NCKAP5: variants seen among roughly 807,000 people sequenced by gnomAD.
NCKAP5 encodes nck-associated protein 5.
NCKAP5 carries 92 observed loss-of-function variants against 167.0 expected under a neutral mutation model. The observed-to-expected ratio is 0.55, with a 90% CI of 0.47 to 0.66. The LOEUF (loss-of-function observed/expected upper bound fraction) is 0.66, where lower values mean the gene tolerates loss of function less well. NCKAP5 is among the 30% of genes least tolerant of loss of function. The pLI, the probability that NCKAP5 is intolerant of heterozygous loss-of-function variation, is 0.00. For missense variants in NCKAP5, 2,378 were observed against 2,315.0 expected (o/e 1.03, Z -0.56); for synonymous variants, 891 against 877.4 (o/e 1.02, Z -0.27).
chr2:133,055,512 T>C (rs184924926), intron 6 of NCKAP5, among the ~76,000 whole-genome samples: 175 of 150,182 alleles, frequency 1.2e-3, no homozygotes, highest in Middle Eastern at 7.1e-3. Context: ...TATGAATAGT[T>C]TATATATATA....
At chr2:133,031,646 GT>G (rs372959156) in intron 6 of NCKAP5, among the ~76,000 whole-genome samples, 87 of 151,304 alleles carry the variant, frequency 5.8e-4, no homozygotes, top group African/African-American at 2.1e-3. Context: ...AGCCAAGGGA[GT>G]GCTGGCATCA....
intron 3 of NCKAP5, among the ~76,000 whole-genome samples, chr2:133,383,509 G>C (rs1255228161): frequency 6.6e-6 from 1 of 152,148 alleles, no homozygotes; most frequent in African/African-American, 2.4e-5. Flanking sequence ...ATTGTGAGTA[G>C]TGCTGCAATA....
intron 11 of NCKAP5, among the ~76,000 whole-genome samples, chr2:132,843,235 T>C (rs1246362558): frequency 6.6e-6 from 1 of 152,142 alleles, no homozygotes; most frequent in Non-Finnish European, 1.5e-5. Context: ...GTATTCTTTA[T>C]ATCTTTACGT....
At chr2:132,923,428 AAGGGGTCACAAATAGGG>A (rs1695598076) in intron 8 of NCKAP5, among the ~76,000 whole-genome samples, 1 of 152,212 alleles carries the variant, frequency 6.6e-6, no homozygotes, top group Admixed American at 6.5e-5. Flanking sequence ...GCCTGCTTGC[AAGGGGTCACAAATAGGG>A]CAAATCACCA....
chr2:133,443,776 A>G (rs2005497), intron 3 of NCKAP5, among the ~76,000 whole-genome samples: 16,189 of 152,112 alleles, frequency 0.11, 1,673 homozygotes, highest in East Asian at 0.27. Flanking sequence ...AGGGGAGGAA[A>G]GGATGAGTAG....
chr2:132,824,293 C>T (rs1215123170), intron 11 of NCKAP5, among the ~76,000 whole-genome samples: 1 of 152,214 alleles, frequency 6.6e-6, no homozygotes, highest in African/African-American at 2.4e-5. Flanking sequence ...TCTTTCTGCT[C>T]TGCTCTGCCC....
At chr2:133,135,789 T>C (rs1443358656) in intron 5 of NCKAP5, among the ~76,000 whole-genome samples, 1 of 152,076 alleles carries the variant, frequency 6.6e-6, no homozygotes, top group Non-Finnish European at 1.5e-5. Flanking sequence ...CATAGTATCA[T>C]TGTGAATAAT....
intron 3 of NCKAP5, among the ~76,000 whole-genome samples, chr2:133,408,886 C>A (rs1352933744): frequency 1.3e-5 from 2 of 152,168 alleles, no homozygotes; most frequent in Non-Finnish European, 2.9e-5. Flanking sequence ...GAGAAGCAGA[C>A]CCCAGCCCAT....
intron 3 of NCKAP5, among the ~76,000 whole-genome samples, chr2:133,501,457 T>C (rs1210085281): frequency 6.6e-6 from 1 of 152,218 alleles, no homozygotes; most frequent in African/African-American, 2.4e-5. Flanking sequence ...ATGATTTCTT[T>C]TGGAAGATTT....
Position 133,054,686 on chromosome 2 carries a change from A to G in NCKAP5, c.342-60447T>C, listed in dbSNP as rs546669580. 1.3e-4 allele frequency among the ~76,000 whole-genome samples: 20 copies of G among 152,330 alleles called. No homozygotes were observed. The South Asian group carries it at 1.7e-3, about 13-fold the overall frequency. ...CTTTTAGTGGGGTTAGAAATACTAA[A>G]AAGTGCAAAGAGGAAATTCAGAACT... On this transcript the variant is annotated intron_variant, in intron 6 of 19. Coordinates refer to ENST00000409261, the MANE Select transcript of NCKAP5 (RefSeq NM_207363.3).
intron 3 of NCKAP5, among the ~76,000 whole-genome samples, chr2:133,511,310 T>C (rs1683470269): frequency 1.3e-5 from 2 of 152,188 alleles, no homozygotes; most frequent in South Asian, 4.1e-4. Context: ...GGTGGTGCCC[T>C]CCTGGCCCAG....
chr2:133,530,538 G>A (rs1685279395), intron 2 of NCKAP5, among the ~76,000 whole-genome samples: 1 of 152,178 alleles, frequency 6.6e-6, no homozygotes, highest in South Asian at 2.1e-4. Context: ...ATATTCTTGA[G>A]TCTTTCCATT....
chr2:132,795,907 T>TAA (rs67838303), intron 12 of NCKAP5, among the ~76,000 whole-genome samples: 157 of 142,986 alleles, frequency 1.1e-3, no homozygotes, highest in South Asian at 2.9e-3. Context: ...ACTCCATACT[T>TAA]AAAAAAAAAA....
chr2:133,268,468 G>A (rs2089345663), intron 4 of NCKAP5: 2 of 146,074 alleles, frequency 1.4e-5, no homozygotes, highest in Admixed American at 6.8e-5. Flanking sequence ...CTACTGGTTA[G>A]ATTTTACAGC....
At chr2:133,585,617 T>C in the NCKAP5 span, among the ~76,000 whole-genome samples, 3 of 152,384 alleles carry the variant, frequency 2.0e-5, no homozygotes, top group South Asian at 6.2e-4. Flanking sequence ...TTTCAAGAAG[T>C]TAATGATATA....
chr2:133,538,943 T>G (rs1207893098), intron 2 of NCKAP5, among the ~76,000 whole-genome samples: 1 of 135,876 alleles, frequency 7.4e-6, no homozygotes, highest in Non-Finnish European at 1.6e-5. Flanking sequence ...TTTTTTTTTT[T>G]TTTTTTTTTT....
intron 7 of NCKAP5, among the ~76,000 whole-genome samples, chr2:132,971,891 G>A (rs562724130): frequency 1.3e-5 from 2 of 152,280 alleles, no homozygotes; most frequent in South Asian, 2.1e-4. Context: ...GTGGGGACAG[G>A]AATCTTTCAT....
At chr2:133,172,487 T>C (rs900875688) in intron 5 of NCKAP5, among the ~76,000 whole-genome samples, 4 of 152,252 alleles carry the variant, frequency 2.6e-5, no homozygotes, top group African/African-American at 7.2e-5. Context: ...ATCTGTTTTT[T>C]TGAGACTGAG....
intron 11 of NCKAP5, among the ~76,000 whole-genome samples, chr2:132,818,206 G>A (rs1368424812): frequency 6.6e-6 from 1 of 152,232 alleles, no homozygotes; most frequent in Non-Finnish European, 1.5e-5. Context: ...CCTCGGCAGA[G>A]TGGATATCTT....
Sources: gnomAD v4.1 joint callset for allele counts (sites outside exome capture counted in the v4.1 genomes callset) on GRCh38, gnomAD v4.1.1 for gene constraint, MANE v1.5 for transcripts, NCBI Gene and HGNC (gene_info 2026-07-23, HGNC 2026-07-21) for gene names.